RNMT: variants seen among roughly 807,000 people sequenced by gnomAD.
RNMT encodes the protein RNA guanine-7 methyltransferase.
A neutral mutation model predicts 56.0 loss-of-function variants in RNMT; 27 were observed. The ratio of observed to expected loss-of-function variants is 0.48; its 90% CI spans 0.36 to 0.67. RNMT has a LOEUF of 0.67. Among genes scored for constraint, RNMT ranks in the 30% least tolerant of loss-of-function variants. RNMT has a pLI of 0.00. For missense variants in RNMT, 519 were observed against 552.1 expected (o/e 0.94, Z 0.60); for synonymous variants, 184 against 176.2 (o/e 1.04, Z -0.35).
rs757161006 is a variant in RNMT, at chr18:13,762,708, G to A, written c.*2729G>A. On this transcript the variant is annotated 3_prime_UTR_variant, in exon 12 of 12. Coordinates refer to ENST00000383314, the MANE Select transcript of RNMT (RefSeq NM_003799.3). Reference sequence around the variant, plus strand: ...GCAGAGTTGGGAGTATATTGGTCAGGATCATAGAAAAGAAGACAAAGCTTG... The same window carrying A: ...GCAGAGTTGGGAGTATATTGGTCAGAATCATAGAAAAGAAGACAAAGCTTG... 3.9e-6 allele frequency: 1 copy of A among 256,756 alleles called. No individual in the cohort carries two copies. Among genetic ancestry groups the A allele is most frequent in the East Asian group, 8.9e-5 (1 of 11,244 alleles). The allele number at this position is 256,756 out of a possible 1,614,324, so 15.9% of individuals were successfully genotyped here.
chr18:13,760,796 G>A lies in RNMT; in HGVS notation c.*817G>A. ...CACATTTTTTCCAAATTTATACATG[G>A]AACTGCAGTAGGAATATTCTCACCA... is the stretch of plus-strand genomic sequence containing the variant. On this transcript the variant is annotated 3_prime_UTR_variant, in exon 12 of 12. Coordinates refer to ENST00000383314, the MANE Select transcript of RNMT (RefSeq NM_003799.3). The A allele has an allele frequency of 1.0e-6, 1 of 985,334 alleles. No individual in the cohort carries two copies. Among genetic ancestry groups the A allele is most frequent in the Non-Finnish European group, 1.2e-6 (1 of 829,912 alleles). 61.0% of individuals were successfully genotyped at this position (985,334 alleles called of 1,614,324 possible). A position where few individuals can be genotyped will look rare whatever the true frequency, so the allele number is the denominator to read the frequency against.
At chr18:13,735,667 A>G (rs922367029) in intron 4 of RNMT, among the ~76,000 whole-genome samples, 8 of 151,808 alleles carry the variant, frequency 5.3e-5, no homozygotes, top group African/African-American at 1.9e-4. Context: ...TTATTCATGT[A>G]TTTTTTTATT....
chr18:13,748,857 A>G (rs2044393078), intron 9 of RNMT, among the ~76,000 whole-genome samples: 1 of 152,212 alleles, frequency 6.6e-6, no homozygotes, highest in Admixed American at 6.5e-5. Flanking sequence ...AGGCGGGCAG[A>G]TAACCTGAGG....
intron 8 of RNMT, among the ~76,000 whole-genome samples, chr18:13,743,568 C>A (rs1371216875): frequency 1.3e-5 from 2 of 151,984 alleles, no homozygotes; most frequent in Admixed American, 1.3e-4. Flanking sequence ...CTGGGCCTTA[C>A]CAGGTAAGGC....
intron 10 of RNMT, among the ~76,000 whole-genome samples, chr18:13,752,833 G>C (rs1406489894): frequency 6.6e-6 from 1 of 152,216 alleles, no homozygotes; most frequent in Admixed American, 6.5e-5. Flanking sequence ...TAGTACCACA[G>C]TGGTATTAGC....
Position 13,731,671 on chromosome 18 carries a change from C to T in RNMT, c.154C>T (p.Gln52Ter). ...GLSEKTSVCRQVDIARKRKEF... is the reference protein window; with the variant it reads ...GLSEKTSVCR ...TTCTGAAAAGACTTCTGTCTGTAGG[C>T]AAGTAGACATAGCAAGAAAGAGAAA... The change falls in exon 3 of 12, where the codon CAA becomes TAA. Residue 52 changes from glutamine (Q) to a stop codon, truncating the protein, a stop_gained. Coordinates refer to ENST00000383314, the MANE Select transcript of RNMT (RefSeq NM_003799.3). LOFTEE classifies it high-confidence loss of function. 1 of 1,614,000 alleles carries T rather than the reference C, an allele frequency of 6.2e-7. No individual in the cohort carries two copies.
intron 5 of RNMT, among the ~76,000 whole-genome samples, chr18:13,737,572 C>G (rs1286699391): frequency 6.6e-6 from 1 of 151,860 alleles, no homozygotes; most frequent in African/African-American, 2.4e-5. Flanking sequence ...ACAAGACTTT[C>G]CTGATAGTTT....
chr18:13,734,254 C>T (rs2044122661), intron 3 of RNMT, among the ~76,000 whole-genome samples: 4 of 152,194 alleles, frequency 2.6e-5, no homozygotes, highest in African/African-American at 7.2e-5. Context: ...ACGTCTTTAG[C>T]AGCAACATTA....
intron 1 of RNMT, among the ~76,000 whole-genome samples, chr18:13,727,629 T>G (rs1254666279): frequency 6.6e-6 from 1 of 152,254 alleles, no homozygotes; most frequent in Admixed American, 6.5e-5. Context: ...TTAGCTATTT[T>G]GAACTACACA....
chr18:13,729,620 G>A (rs779379267), intron 1 of RNMT, among the ~76,000 whole-genome samples: 67 of 152,104 alleles, frequency 4.4e-4, no homozygotes, highest in Non-Finnish European at 7.4e-4. Context: ...GGTACTTCTT[G>A]GTATTTTGTT....
At chr18:13,727,880 A>T (rs1401335008) in intron 1 of RNMT, among the ~76,000 whole-genome samples, 1 of 152,244 alleles carries the variant, frequency 6.6e-6, no homozygotes, top group South Asian at 2.1e-4. Flanking sequence ...TTCAGTTAAC[A>T]TAATGACATC....
intron 3 of RNMT, 47 bp from the exon 4 acceptor site, chr18:13,734,417 T>C: frequency 6.5e-7 from 1 of 1,543,610 alleles, no homozygotes; most frequent in East Asian, 2.3e-5. Flanking sequence ...GGCTTATTTT[T>C]ACCATGTTCT....
chr18:13,732,742 C>CTT (rs376073026), intron 3 of RNMT, among the ~76,000 whole-genome samples: 20 of 28,550 alleles, frequency 7.0e-4, no homozygotes, highest in Non-Finnish European at 8.1e-4. Flanking sequence ...GGAGCCCCCC[C>CTT]TTTTTTTTTT....
intron 10 of RNMT, among the ~76,000 whole-genome samples, chr18:13,753,433 C>T (rs1261492783): frequency 1.3e-5 from 2 of 150,526 alleles, no homozygotes; most frequent in East Asian, 2.0e-4. Context: ...GCACTGCACT[C>T]CAGCCTGGGC....
chr18:13,744,119 AAAGATTTGTTTTAAATGCTAAAC>A (rs2044306030), intron 8 of RNMT, among the ~76,000 whole-genome samples: 1 of 139,228 alleles, frequency 7.2e-6, no homozygotes, highest in Non-Finnish European at 1.6e-5. Flanking sequence ...TAATAAAACA[AAAGATTTGTTTTAAATGCTAAAC>A]AAGACCTAGC....
chr18:13,761,862 C>CCCCA lies in RNMT; in HGVS notation c.*1883_*1884insCCCA. ...CCCTACACCCCCCTCCCCCCGGCCC[C>CCCCA]AAGCCCCTGTGTCTCCTTGTTACAA... On this transcript the variant is annotated 3_prime_UTR_variant, in exon 12 of 12. Transcript: ENST00000383314. 1.8e-6 allele frequency: 2 copies of CCCCA among 1,141,920 alleles called. No homozygotes were observed. Among genetic ancestry groups the CCCCA allele is most frequent in the South Asian group, 2.9e-5 (1 of 34,616 alleles). The allele number at this position is 1,141,920 out of a possible 1,614,324, so 70.7% of individuals were successfully genotyped here.
intron 11 of RNMT, among the ~76,000 whole-genome samples, chr18:13,755,651 A>G (rs749648664): frequency 6.6e-6 from 1 of 152,228 alleles, no homozygotes; most frequent in Non-Finnish European, 1.5e-5. Flanking sequence ...CATTGGTACT[A>G]TTACTAGAAA....
intron 1 of RNMT, among the ~76,000 whole-genome samples, chr18:13,729,956 G>A (rs1042403412): frequency 6.6e-6 from 1 of 152,004 alleles, no homozygotes; most frequent in Non-Finnish European, 1.5e-5. Context: ...GTGCCACCAT[G>A]CCCAGCTATT....
Position 13,744,159 on chromosome 18 carries a change from C to T in RNMT, c.1139+1507C>T, listed in dbSNP as rs867079930. On this transcript the variant is annotated intron_variant, in intron 8 of 11. Transcript: ENST00000383314. ...ATGCTAAACAAGACCTAGCGGTCTT[C>T]TTTTTTTTTTTTTTTTTTTTTTTTT... Among the ~76,000 whole-genome samples the T allele has an allele frequency of 7.0e-3, 641 of 91,246 alleles. 13 individuals carry two copies. Among genetic ancestry groups the T allele is most frequent in the African/African-American group, 0.029 (548 of 18,836 alleles). 59.9% of individuals were successfully genotyped at this position (91,246 alleles called of 152,430 possible).
Sources: allele counts gnomAD v4.1 joint callset (sites outside exome capture counted in the v4.1 genomes callset), GRCh38; gene constraint gnomAD v4.1.1; transcripts MANE v1.5; gene names NCBI Gene and HGNC (gene_info 2026-07-23, HGNC 2026-07-21).